The following CAMTA1 variants were observed in gnomAD, a reference collection of about 807,000 sequenced individuals.
CAMTA1 encodes calmodulin-binding transcription activator 1.
In CAMTA1, 27 loss-of-function variants were observed where a neutral mutation model predicts 170.9. That is an observed-to-expected ratio of 0.16 (90% CI 0.12 to 0.22). CAMTA1 has a LOEUF of 0.22. CAMTA1 is among the 10% of genes least tolerant of loss of function. The pLI is 1.00. For missense variants in CAMTA1, 1,619 were observed against 2,217.2 expected, an observed-to-expected ratio of 0.73 and a Z score of 5.42; for synonymous variants, 833 against 891.5, an observed-to-expected ratio of 0.93 and a Z score of 1.17.
chr1:7,751,119 C>A, intron 19 of CAMTA1, 80 bp from the exon 20 acceptor site: 1 of 1,129,868 alleles, frequency 8.9e-7, no homozygotes, highest in Non-Finnish European at 1.3e-6. Flanking sequence ...TCTCTTCTTC[C>A]CTTCCCGGTA....
intron 6 of CAMTA1, among the ~76,000 whole-genome samples, chr1:7,610,930 G>A (rs561455726): frequency 2.6e-5 from 4 of 152,348 alleles, no homozygotes; most frequent in African/African-American, 7.2e-5. Context: ...ACTACGGGAG[G>A]CCAGGTCCCA....
At chr1:7,081,999 G>C (rs930162548) in intron 3 of CAMTA1, among the ~76,000 whole-genome samples, 2 of 152,144 alleles carry the variant, frequency 1.3e-5, no homozygotes, top group Admixed American at 1.3e-4. Context: ...CATTTACCTT[G>C]CTTTTGAAAA....
At chr1:7,582,163 G>A (rs1401352375) in intron 6 of CAMTA1, among the ~76,000 whole-genome samples, 1 of 152,174 alleles carries the variant, frequency 6.6e-6, no homozygotes, top group Non-Finnish European at 1.5e-5. Context: ...GCTGTCCCCA[G>A]CAACGGCAGG....
rs934339923 is a variant in CAMTA1, at chr1:7,062,679, C to G, written c.235-28625C>G. On this transcript the variant is annotated intron_variant, in intron 3 of 22. Transcript: ENST00000303635. ...TTCGTTTACTGCCGTCTGCCTCAGC[C>G]ATGAAGTCCCATAAATTGGGTGGCT... Among the ~76,000 whole-genome samples the G allele has an allele frequency of 1.6e-4, 24 of 152,216 alleles. 1 individual carries two copies. In the East Asian group the frequency reaches 4.4e-3, roughly 28 times the overall value.
At chr1:7,691,305 G>T (rs1017092071) in intron 11 of CAMTA1, among the ~76,000 whole-genome samples, 7 of 152,212 alleles carry the variant, frequency 4.6e-5, no homozygotes, top group Non-Finnish European at 8.8e-5. Flanking sequence ...GGCAGGCAGT[G>T]AATCAGGCCA....
rs79580527 is a variant in CAMTA1, at chr1:7,200,427, A to G, written c.303-49064A>G. Among the ~76,000 whole-genome samples the G allele has an allele frequency of 5.3e-3, 802 of 152,288 alleles. 15 individuals carry two copies. Among genetic ancestry groups the G allele is most frequent in the Admixed American group, 0.04 (604 of 15,288 alleles). On this transcript the variant is annotated intron_variant, in intron 4 of 22. Transcript: ENST00000303635. ...AGAAATTTCAACAATTGTCCCAGTA[A>G]TGTTCTTTATAGCAAATGAAAAACA...
At chr1:7,594,200 G>GGGAAGGAAGGAAGGAAGGAA (rs56904420) in intron 6 of CAMTA1, among the ~76,000 whole-genome samples, 33 of 113,710 alleles carry the variant, frequency 2.9e-4, no homozygotes, top group East Asian at 1.7e-3. Context: ...AAGGAGGGAG[G>GGGAAGGAAGGAAGGAAGGAA]GGAAGGAAGG....
chr1:7,577,902 G>A (rs1235726173), intron 6 of CAMTA1, among the ~76,000 whole-genome samples: 1 of 152,074 alleles, frequency 6.6e-6, no homozygotes, highest in African/African-American at 2.4e-5. Flanking sequence ...GCCAACCCCT[G>A]GCCTAGATCA....
intron 4 of CAMTA1, among the ~76,000 whole-genome samples, chr1:7,186,176 AAG>A (rs2148915052): frequency 6.6e-6 from 1 of 152,228 alleles, no homozygotes; most frequent in South Asian, 2.1e-4. Flanking sequence ...AAAAGAGCAA[AAG>A]AGAGAGAGGG....
In CAMTA1 at chr1:7,690,352, CAGA is replaced by C. The variant is rs201102100; in HGVS notation, c.2914+12622_2914+12624del. On this transcript the variant is annotated intron_variant, in intron 11 of 22. Transcript: ENST00000303635. ...AGCCCTCTGCTCCCTGGCCCTCATG[CAGA>C]AGGACCAGTTCTGGCATCAGCAGAT... 6.8e-3 allele frequency among the ~76,000 whole-genome samples: 1,040 copies of C among 152,314 alleles called. 31 individuals carry two copies. Among genetic ancestry groups the C allele is most frequent in the Admixed American group, 0.053 (807 of 15,306 alleles).
chr1:6,808,048 T>C (rs531360905), intron 1 of CAMTA1, among the ~76,000 whole-genome samples: 4 of 151,514 alleles, frequency 2.6e-5, no homozygotes, highest in South Asian at 4.2e-4. Context: ...GAGGAGAAAT[T>C]CCAAGCAGAG....
intron 3 of CAMTA1, among the ~76,000 whole-genome samples, chr1:6,963,242 C>A (rs1244498717): frequency 9.5e-6 from 1 of 105,792 alleles, no homozygotes; most frequent in Non-Finnish European, 2.1e-5. Context: ...TTATGGGCCC[C>A]GCCCCATCTG....
At chr1:7,200,197 A>G (rs1173347062) in intron 4 of CAMTA1, among the ~76,000 whole-genome samples, 1 of 152,194 alleles carries the variant, frequency 6.6e-6, no homozygotes, top group Admixed American at 6.5e-5. Context: ...AGTGGTGTAC[A>G]TATGTAACAT....
Position 7,435,719 on chromosome 1 carries a change from C to T in CAMTA1, c.439-32111C>T, listed in dbSNP as rs978073958. 6.6e-5 allele frequency among the ~76,000 whole-genome samples: 10 copies of T among 152,128 alleles called. No homozygotes were observed. The highest frequency in any genetic ancestry group is 2.0e-4 in the Admixed American group (3 of 15,282). ...TGAAGGGTACTCAGTTCCTATAGCC[C>T]GATCATGGCATTGTCACGGTGGCAC... On this transcript the variant is annotated intron_variant, in intron 5 of 22. Coordinates refer to ENST00000303635, the MANE Select transcript of CAMTA1 (RefSeq NM_015215.4). The surrounding 1 kb of genome is among the most constrained non-coding windows in gnomAD (Gnocchi z 4.4).
intron 5 of CAMTA1, among the ~76,000 whole-genome samples, chr1:7,252,441 C>T (rs773180771): frequency 1.2e-4 from 18 of 152,260 alleles, no homozygotes; most frequent in Non-Finnish European, 2.5e-4. Flanking sequence ...TCAACCCCCA[C>T]ATCTCACCAG....
intron 5 of CAMTA1, among the ~76,000 whole-genome samples, chr1:7,347,030 C>T (rs1304507463): frequency 6.6e-6 from 1 of 152,208 alleles, no homozygotes; most frequent in African/African-American, 2.4e-5. Flanking sequence ...TGGGGACAGC[C>T]TCTGAAAGAG....
chr1:7,661,705 C>G lies in CAMTA1; in HGVS notation c.665-21C>G, dbSNP rs747160757. On this transcript the variant is annotated intron_variant, in intron 7 of 22. Transcript: ENST00000303635. ...TCTGCACCCACGGGCTCTGACAGCCCCCCTGCCTCTCTCTTCACAGTCCAT... is the reference window on the plus strand; with the variant it reads ...TCTGCACCCACGGGCTCTGACAGCCGCCCTGCCTCTCTCTTCACAGTCCAT... The G allele has an allele frequency of 4.6e-5, 74 of 1,613,684 alleles. 1 individual carries two copies. The South Asian group carries it at 8.1e-4, about 18-fold the overall frequency.
chr1:7,371,916 G>A (rs1170015703), intron 5 of CAMTA1, among the ~76,000 whole-genome samples: 2 of 152,180 alleles, frequency 1.3e-5, no homozygotes, highest in African/African-American at 4.8e-5. Flanking sequence ...TGAGATCTAG[G>A]AAGGTTCTGC....
chr1:7,041,361 G>A lies in CAMTA1; in HGVS notation c.235-49943G>A, dbSNP rs1194259759. Among the ~76,000 whole-genome samples the A allele has an allele frequency of 6.6e-6, 1 of 152,212 alleles. No homozygotes were observed. Among genetic ancestry groups the A allele is most frequent in the Non-Finnish European group, 1.5e-5 (1 of 68,042 alleles). On this transcript the variant is annotated intron_variant, in intron 3 of 22. Transcript: ENST00000303635. The surrounding 1 kb of genome is among the most constrained non-coding windows in gnomAD (Gnocchi z 5.1). ...CAGCATCTATTGTCTAAGAGGGCTGGGGAAGCTCACTGTTTGAAACACACA... is the reference window on the plus strand; with the variant it reads ...CAGCATCTATTGTCTAAGAGGGCTGAGGAAGCTCACTGTTTGAAACACACA...
Sources: allele counts gnomAD v4.1 joint callset (sites outside exome capture counted in the v4.1 genomes callset), GRCh38; gene constraint gnomAD v4.1.1; non-coding constraint Gnocchi (gnomAD v3.1); transcripts MANE v1.5; gene names NCBI Gene and HGNC (gene_info 2026-07-23, HGNC 2026-07-21).